Variants in ALK observed in about 807,000 individuals in gnomAD.
ALK encodes ALK receptor tyrosine kinase.
Under a neutral mutation model 163.1 loss-of-function variants are expected in ALK, and 74 were observed. That is an observed-to-expected ratio of 0.45 (90% CI 0.38 to 0.55). The LOEUF is 0.55. ALK is among the 20% of genes least tolerant of loss of function. The pLI, the probability that ALK is intolerant of heterozygous loss-of-function variation, is 0.00. For synonymous variants in ALK, 960 were observed against 843.2 expected (o/e 1.14, Z -2.40); for missense variants, 2,063 against 2,105.3 (o/e 0.98, Z 0.39).
intron 4 of ALK, among the ~76,000 whole-genome samples, chr2:29,515,795 C>T (rs1672645071): frequency 6.6e-6 from 1 of 152,170 alleles, no homozygotes; most frequent in Non-Finnish European, 1.5e-5. Flanking sequence ...GCAGATGTAA[C>T]TAAATTCTTA....
chr2:29,731,280 G>T (rs959183514), intron 1 of ALK, among the ~76,000 whole-genome samples: 1 of 152,180 alleles, frequency 6.6e-6, no homozygotes, highest in Admixed American at 6.5e-5. Context: ...TCATACAAGC[G>T]TCTTATCAGA....
chr2:29,357,407 G>A (rs1668277799), intron 5 of ALK, among the ~76,000 whole-genome samples: 1 of 152,162 alleles, frequency 6.6e-6, no homozygotes, highest in African/African-American at 2.4e-5. Flanking sequence ...GAAGACATCT[G>A]TGACTCTTCC....
At position 29,233,627 on chromosome 2, in the gene ALK, T is replaced by C; in HGVS notation, c.2425A>G (p.Arg809Gly). 2 of 1,614,242 alleles carry C rather than the reference T, an allele frequency of 1.2e-6. No homozygotes were observed. The highest frequency in any genetic ancestry group is 2.2e-5 in the South Asian group (2 of 91,088). ...NVIEEEIRVN[R>G]SVHEWAGGGG... is the part of the protein sequence containing the mutation. ...CCTCCTGCCCACTCATGCACGCTTCTGTTCACACGGATTTCTTCTTCTATC... is the reference window on the plus strand; with the variant it reads ...CCTCCTGCCCACTCATGCACGCTTCCGTTCACACGGATTTCTTCTTCTATC... Residue 809 changes from arginine (R) to glycine (G), a missense_variant, in exon 14 of 29, where the codon AGA becomes GGA. Arg to Gly is a moderately radical substitution (Grantham distance 125). Transcript: ENST00000389048.
rs746732487 is a variant in ALK at position 29,239,663 on chromosome 2, C to T, written c.2355+17G>A. 3.1e-6 allele frequency: 5 copies of T among 1,613,486 alleles called. No homozygotes were observed. In the Admixed American group the frequency reaches 8.3e-5, roughly 27 times the overall value. On this transcript the variant is annotated intron_variant, in intron 13 of 28. Transcript: ENST00000389048. ...CTGACAGAGTGCAGACGAGAAACCC[C>T]TGCTCTGGGCACTTACACTGGGGCA...
chr2:29,539,291 T>C (rs946497283), intron 3 of ALK, among the ~76,000 whole-genome samples: 1 of 152,210 alleles, frequency 6.6e-6, no homozygotes, highest in Admixed American at 6.5e-5. Flanking sequence ...CAGGATCAAA[T>C]GAATTCTCTC....
intron 4 of ALK, among the ~76,000 whole-genome samples, chr2:29,409,431 G>A (rs956905538): frequency 6.6e-6 from 1 of 152,100 alleles, no homozygotes; most frequent in Non-Finnish European, 1.5e-5. Context: ...AGGCTCACGG[G>A]ACCATTGGCA....
intron 1 of ALK, among the ~76,000 whole-genome samples, chr2:29,750,869 A>C (rs1216910589): frequency 2.6e-5 from 4 of 152,000 alleles, no homozygotes; most frequent in Non-Finnish European, 5.9e-5. Flanking sequence ...CAGGAGTTCG[A>C]GACCAGCCTG....
At chr2:29,446,755 G>A (rs1670695259) in intron 4 of ALK, among the ~76,000 whole-genome samples, 1 of 152,216 alleles carries the variant, frequency 6.6e-6, no homozygotes, top group Non-Finnish European at 1.5e-5. Context: ...AAAATAGTGT[G>A]CAAATAGTGT....
intron 3 of ALK, among the ~76,000 whole-genome samples, chr2:29,671,551 G>A (rs1467259336): frequency 1.3e-5 from 2 of 152,080 alleles, no homozygotes; most frequent in African/African-American, 4.8e-5. Context: ...CTAAGAAGGT[G>A]GAGAAGCTGG....
At chr2:29,321,560 A>G (rs1454186280) in intron 6 of ALK, among the ~76,000 whole-genome samples, 2 of 152,232 alleles carry the variant, frequency 1.3e-5, no homozygotes, top group African/African-American at 4.8e-5. Context: ...GGCTGCTAAA[A>G]GCCCTTGTGT....
At chr2:29,690,089 C>A (rs1678351681) in intron 3 of ALK, among the ~76,000 whole-genome samples, 1 of 152,176 alleles carries the variant, frequency 6.6e-6, no homozygotes, top group African/African-American at 2.4e-5. Flanking sequence ...CCACAGGAAA[C>A]TAATACACAA....
intron 8 of ALK, among the ~76,000 whole-genome samples, chr2:29,306,292 C>G (rs912938971): frequency 1.3e-5 from 2 of 152,220 alleles, no homozygotes; most frequent in African/African-American, 4.8e-5. Context: ...TCAGTCACCC[C>G]TGGGCACTAA....
chr2:29,866,372 A>G (rs1320324517), intron 1 of ALK, among the ~76,000 whole-genome samples: 1 of 152,138 alleles, frequency 6.6e-6, no homozygotes, highest in Non-Finnish European at 1.5e-5. Context: ...GCATGGTGCA[A>G]CTCGACACGC....
rs755537480 is a variant in ALK at position 29,225,542 on chromosome 2, G to A, written c.3091C>T (p.Leu1031=). Reference sequence around the variant, plus strand: ...ACAGAGAGGATCAGCGAGAGTGGCAGGTGTGGCTCCGGGGTGGGTGACACT... The same window carrying A: ...ACAGAGAGGATCAGCGAGAGTGGCAAGTGTGGCTCCGGGGTGGGTGACACT... ...CIVSPTPEPH[L]PLSLILSVVT... The change falls in exon 19 of 29, where the codon CTG becomes TTG. Residue 1031 remains leucine (L), a synonymous_variant. Coordinates refer to ENST00000389048, the MANE Select transcript of ALK (RefSeq NM_004304.5). The A allele has an allele frequency of 5.0e-6, 8 of 1,612,110 alleles. 1 individual carries two copies. The South Asian group carries it at 8.9e-5, about 18-fold the overall frequency.
intron 3 of ALK, among the ~76,000 whole-genome samples, chr2:29,594,016 T>C (rs1448795677): frequency 6.6e-6 from 1 of 152,176 alleles, no homozygotes; most frequent in East Asian, 1.9e-4. Context: ...GGAGAGGTTT[T>C]CTTGGTTTTT....
chr2:29,396,476 C>G (rs915267590), intron 4 of ALK, among the ~76,000 whole-genome samples: 1 of 152,162 alleles, frequency 6.6e-6, no homozygotes, highest in Admixed American at 6.5e-5. Flanking sequence ...GAGTTCGAGA[C>G]CAGCCTGACC....
intron 1 of ALK, among the ~76,000 whole-genome samples, chr2:29,918,149 G>A (rs1002726411): frequency 6.6e-6 from 1 of 152,204 alleles, no homozygotes; most frequent in African/African-American, 2.4e-5. Flanking sequence ...ATAGCTTCAT[G>A]CAACCTACCT....
chr2:29,466,890 C>T (rs995468134), intron 4 of ALK, among the ~76,000 whole-genome samples: 1 of 152,224 alleles, frequency 6.6e-6, no homozygotes, highest in Admixed American at 6.5e-5. Flanking sequence ...TTTGTGTTTA[C>T]ACTTGATTGG....
chr2:29,566,926 A>T (rs1482890808), intron 3 of ALK, among the ~76,000 whole-genome samples: 1 of 152,226 alleles, frequency 6.6e-6, no homozygotes, highest in East Asian at 1.9e-4. Flanking sequence ...CAAAGAAAAA[A>T]AACTGAAAGA....
Sources: gnomAD v4.1 joint callset for allele counts (sites outside exome capture counted in the v4.1 genomes callset) on GRCh38, gnomAD v4.1.1 for gene constraint, MANE v1.5 for transcripts, NCBI Gene and HGNC (gene_info 2026-07-23, HGNC 2026-07-21) for gene names.